Variants in PLA2G4A observed in about 807,000 individuals in gnomAD.
PLA2G4A encodes cytosolic phospholipase A2.
A neutral mutation model predicts 81.9 loss-of-function variants in PLA2G4A; 40 were observed. That is an observed-to-expected ratio of 0.49 (90% CI 0.38 to 0.64). PLA2G4A has a LOEUF of 0.64. Among genes scored for constraint, PLA2G4A ranks in the 30% least tolerant of loss-of-function variants. PLA2G4A has a pLI of 0.00. For synonymous variants in PLA2G4A, 302 were observed against 296.9 expected, an observed-to-expected ratio of 1.02 and a Z score of -0.18; for missense variants, 715 against 905.1, an observed-to-expected ratio of 0.79 and a Z score of 2.69.
intron 2 of PLA2G4A, among the ~76,000 whole-genome samples, chr1:186,865,099 T>C (rs902702645): frequency 1.3e-5 from 2 of 148,520 alleles, no homozygotes; most frequent in African/African-American, 4.9e-5. Flanking sequence ...TACATATATA[T>C]ATATATAAAA....
At chr1:186,837,956 T>TA (rs968006172) in intron 1 of PLA2G4A, among the ~76,000 whole-genome samples, 1 of 151,826 alleles carries the variant, frequency 6.6e-6, no homozygotes, top group Admixed American at 6.6e-5. Context: ...TGCAGGGAAA[T>TA]ACGCAGATTT....
intron 2 of PLA2G4A, among the ~76,000 whole-genome samples, chr1:186,867,360 T>G (rs1653070296): frequency 6.6e-6 from 1 of 152,186 alleles, no homozygotes; most frequent in Non-Finnish European, 1.5e-5. Context: ...ATTTATTTAG[T>G]TCTTCCTTGA....
intron 10 of PLA2G4A, among the ~76,000 whole-genome samples, chr1:186,945,768 T>A (rs1429565715): frequency 6.6e-6 from 1 of 151,560 alleles, no homozygotes; most frequent in Non-Finnish European, 1.5e-5. Context: ...AAACCAGGAG[T>A]TCTTGCTGAA....
chr1:186,980,123 T>G (rs1332394670), intron 17 of PLA2G4A, among the ~76,000 whole-genome samples: 1 of 152,014 alleles, frequency 6.6e-6, no homozygotes, highest in Non-Finnish European at 1.5e-5. Context: ...AATTTTTTTG[T>G]GTTTGTAGTG....
chr1:186,832,682 T>A (rs1279087067), intron 1 of PLA2G4A, among the ~76,000 whole-genome samples: 1 of 152,212 alleles, frequency 6.6e-6, no homozygotes, highest in East Asian at 1.9e-4. Flanking sequence ...TATATGTCTA[T>A]GTTTGTGAAT....
chr1:186,964,794 A>C (rs1657076573), intron 14 of PLA2G4A, among the ~76,000 whole-genome samples: 1 of 152,184 alleles, frequency 6.6e-6, no homozygotes, highest in African/African-American at 2.4e-5. Flanking sequence ...TATCTTGTTC[A>C]GCATCTGGAA....
intron 6 of PLA2G4A, among the ~76,000 whole-genome samples, chr1:186,909,286 T>C (rs948822708): frequency 6.6e-6 from 1 of 151,164 alleles, no homozygotes; most frequent in Non-Finnish European, 1.5e-5. Flanking sequence ...TAATTTCTTA[T>C]AGTGTTTAGA....
chr1:186,980,578 CTG>C (rs780774663), intron 17 of PLA2G4A, among the ~76,000 whole-genome samples: 2 of 152,060 alleles, frequency 1.3e-5, no homozygotes, highest in African/African-American at 2.4e-5. Context: ...TTTTTGGTGA[CTG>C]TGTAAATGGC....
In PLA2G4A at chr1:186,942,519, A is replaced by C. The variant is rs964738413; in HGVS notation, c.1033+2425A>C. On this transcript the variant is annotated intron_variant, in intron 10 of 17. Transcript: ENST00000367466. ...ACCCTAAGATTTATCTTCCAGAGCT[A>C]TTAAGGCAATAATATGAAATATGCA... 6.6e-5 allele frequency among the ~76,000 whole-genome samples: 10 copies of C among 152,274 alleles called. No individual in the cohort carries two copies. The East Asian group carries it at 1.9e-3, about 29-fold the overall frequency.
chr1:186,947,242 A>G (rs1656378779), intron 12 of PLA2G4A, among the ~76,000 whole-genome samples: 1 of 152,110 alleles, frequency 6.6e-6, no homozygotes, highest in Non-Finnish European at 1.5e-5. Flanking sequence ...TGCTAAACAT[A>G]CTATTTGTAT....
rs550656586 is a variant in PLA2G4A, at chr1:186,896,421, T to A, written c.378+2210T>A. On this transcript the variant is annotated intron_variant, in intron 5 of 17. Transcript: ENST00000367466. ...GATAAAGGGCTTGGCAGATCCATTT[T>A]GCTGAATCATAGGGAAGAGAGTGTA... Among the ~76,000 whole-genome samples the A allele has an allele frequency of 2.6e-5, 4 of 152,350 alleles. No homozygotes were observed. In the South Asian group the frequency reaches 8.3e-4, roughly 32 times the overall value.
Position 186,913,641 on chromosome 1 carries a change from A to G in PLA2G4A, c.558+2252A>G, listed in dbSNP as rs1278950914. Among the ~76,000 whole-genome samples, 6 of 149,058 alleles carry G rather than the reference A, an allele frequency of 4.0e-5. No individual in the cohort carries two copies. In the East Asian group the frequency reaches 1.2e-3, roughly 29 times the overall value. ...TATAATTTATTTTCATAAAAATAAT[A>G]TTTTAAATACATAAGTAAACATATA... On this transcript the variant is annotated intron_variant, in intron 7 of 17. Coordinates refer to ENST00000367466, the MANE Select transcript of PLA2G4A (RefSeq NM_024420.3).
Position 186,946,660 on chromosome 1 carries a change from G to C in PLA2G4A, c.1057G>C (p.Glu353Gln). The change falls in exon 11 of 18, where the codon GAA becomes CAA. Residue 353 changes from glutamate (E) to glutamine (Q), a missense_variant. Physicochemically the swap from Glu to Gln is conservative, Grantham distance 29. Coordinates refer to ENST00000367466, the MANE Select transcript of PLA2G4A (RefSeq NM_024420.3). ...AGATTGGGTTGAATTTAGTCCATAC[G>C]AAATTGGCATGGCTAAATATGGTAC... The part of the protein sequence containing the change: ...FADWVEFSPY[E>Q]IGMAKYGTFM... 5 of 1,610,882 alleles carry C rather than the reference G, an allele frequency of 3.1e-6. No homozygotes were observed. The highest frequency in any genetic ancestry group is 4.2e-6 in the Non-Finnish European group (5 of 1,177,302).
chr1:186,913,354 C>T (rs1655030818), intron 7 of PLA2G4A, among the ~76,000 whole-genome samples: 1 of 151,646 alleles, frequency 6.6e-6, no homozygotes, highest in Non-Finnish European at 1.5e-5. Flanking sequence ...CTTTATTACT[C>T]AATCATATAT....
chr1:186,881,722 C>T (rs2102082330), intron 3 of PLA2G4A, among the ~76,000 whole-genome samples: 1 of 152,054 alleles, frequency 6.6e-6, no homozygotes. Context: ...ATATTACAAT[C>T]CAAATAAACA....
chr1:186,879,127 G>T (rs1195260061), intron 3 of PLA2G4A, among the ~76,000 whole-genome samples: 3 of 151,736 alleles, frequency 2.0e-5, no homozygotes, highest in Admixed American at 1.3e-4. Context: ...AAATTTTACT[G>T]GCTCCTTGGA....
chr1:186,864,878 A>C (rs1237937814), intron 2 of PLA2G4A, among the ~76,000 whole-genome samples: 1 of 150,954 alleles, frequency 6.6e-6, no homozygotes, highest in Non-Finnish European at 1.5e-5. Flanking sequence ...AGATTGCTTG[A>C]GCCTAGGAGT....
At chr1:186,870,134 G>A (rs1653199395) in intron 2 of PLA2G4A, among the ~76,000 whole-genome samples, 1 of 152,088 alleles carries the variant, frequency 6.6e-6, no homozygotes, top group Non-Finnish European at 1.5e-5. Context: ...CAAGTACAAA[G>A]CCTGATTGTG....
chr1:186,957,999 A>T (rs1656814053), intron 14 of PLA2G4A, among the ~76,000 whole-genome samples: 1 of 152,216 alleles, frequency 6.6e-6, no homozygotes. Context: ...TTTAAGCATC[A>T]TACCTAGAAC....
Sources: allele counts gnomAD v4.1 joint callset (sites outside exome capture counted in the v4.1 genomes callset), GRCh38; gene constraint gnomAD v4.1.1; transcripts MANE v1.5; gene names NCBI Gene and HGNC (gene_info 2026-07-23, HGNC 2026-07-21).